TMED3: variants seen among roughly 807,000 people sequenced by gnomAD.
TMED3 encodes transmembrane p24 trafficking protein 3.
In TMED3, 9 loss-of-function variants were observed where a neutral mutation model predicts 15.0. That is an observed-to-expected ratio of 0.60 (90% CI 0.36 to 1.04). The LOEUF is 1.04. Ranked by LOEUF, TMED3 falls within the 50% of genes least tolerant of loss-of-function variation. The pLI is 0.01. For missense variants in TMED3, 267 were observed against 278.9 expected (o/e 0.96, Z 0.30); for synonymous variants, 117 against 121.4 (o/e 0.96, Z 0.24).
intron 2 of TMED3, among the ~76,000 whole-genome samples, chr15:79,329,838 G>A (rs1043545305): frequency 6.6e-6 from 1 of 152,112 alleles, no homozygotes; most frequent in East Asian, 1.9e-4. Flanking sequence ...GACACATGTG[G>A]ACCACAATTT....
chr15:79,380,340 ACT>A (rs2141249049), intron 2 of TMED3, among the ~76,000 whole-genome samples: 1 of 150,900 alleles, frequency 6.6e-6, no homozygotes, highest in South Asian at 2.1e-4. Context: ...ACAGAGCGAG[ACT>A]CTGTCTCAAC....
chr15:79,387,499 C>T (rs1507677), intron 2 of TMED3, among the ~76,000 whole-genome samples: 147,197 of 152,268 alleles, frequency 0.97, 71,366 homozygotes, highest in East Asian at 1. Context: ...CACTTTGTCA[C>T]TTTCATGGGT....
At chr15:79,353,246 CTATATATAATATATATTATATATAA>C (rs1453935506) in intron 2 of TMED3, among the ~76,000 whole-genome samples, 8 of 39,910 alleles carry the variant, frequency 2.0e-4, no homozygotes, top group Non-Finnish European at 3.3e-4. Context: ...AATATATATA[CTATATATAATATATATTATATATAA>C]TATATATAAT....
chr15:79,329,262 A>G (rs992309772), intron 2 of TMED3, among the ~76,000 whole-genome samples: 2 of 152,220 alleles, frequency 1.3e-5, no homozygotes, highest in African/African-American at 4.8e-5. Context: ...ACCAGACCTC[A>G]TGGGAGCATG....
chr15:79,331,265 C>T (rs987100373), intron 2 of TMED3, among the ~76,000 whole-genome samples: 1 of 152,158 alleles, frequency 6.6e-6, no homozygotes, highest in Admixed American at 6.5e-5. Flanking sequence ...AACCATAACA[C>T]AGTGAACTGA....
intron 2 of TMED3, among the ~76,000 whole-genome samples, chr15:79,345,608 A>G (rs1258300560): frequency 1.3e-5 from 2 of 152,214 alleles, no homozygotes; most frequent in Non-Finnish European, 2.9e-5. Context: ...GCTGCAATGA[A>G]TATACACATA....
chr15:79,322,504 G>A lies in TMED3; in HGVS notation c.*290G>A. The A allele has an allele frequency of 8.2e-7, 1 of 1,223,346 alleles. No homozygotes were observed. Among genetic ancestry groups the A allele is most frequent in the Non-Finnish European group, 1.0e-6 (1 of 977,606 alleles). The allele number at this position is 1,223,346 out of a possible 1,614,324, so 75.8% of individuals were successfully genotyped here. A position where few individuals can be genotyped will look rare whatever the true frequency, so the allele number is the denominator to read the frequency against. On this transcript the variant is annotated 3_prime_UTR_variant, in exon 3 of 3. Transcript: ENST00000299705. ...AGGGTGGACAGGCAATGGTTCAGTG[G>A]CCTGGCTGTTGGCAGGAACTCCAAG...
chr15:79,323,030 C>T (rs1042051437), downstream of TMED3, among the ~76,000 whole-genome samples: 4 of 152,164 alleles, frequency 2.6e-5, no homozygotes, highest in Non-Finnish European at 5.9e-5. Flanking sequence ...TAGGAAGTCT[C>T]CTCGCATGCT....
At chr15:79,329,215 A>G (rs891501774) in intron 2 of TMED3, among the ~76,000 whole-genome samples, 7 of 152,226 alleles carry the variant, frequency 4.6e-5, no homozygotes, top group African/African-American at 1.7e-4. Context: ...AGAGACAACA[A>G]CCAGGGCCTG....
chr15:79,355,473 A>G (rs2058915357), intron 2 of TMED3, among the ~76,000 whole-genome samples: 1 of 152,216 alleles, frequency 6.6e-6, no homozygotes, highest in African/African-American at 2.4e-5. Context: ...TCAGCCAGAA[A>G]GAAGACTTCC....
At chr15:79,359,491 G>T (rs2141239641) in intron 2 of TMED3, among the ~76,000 whole-genome samples, 1 of 152,194 alleles carries the variant, frequency 6.6e-6, no homozygotes, top group Non-Finnish European at 1.5e-5. Context: ...GCCTCCCAAA[G>T]TGCTGGGATT....
At chr15:79,407,661 T>C (rs1893918584) in intron 2 of TMED3, among the ~76,000 whole-genome samples, 1 of 152,208 alleles carries the variant, frequency 6.6e-6, no homozygotes, top group African/African-American at 2.4e-5. Context: ...AACACTTCCA[T>C]GCTCATTTGT....
chr15:79,394,755 C>T (rs1595910070), intron 2 of TMED3, among the ~76,000 whole-genome samples: 1 of 152,180 alleles, frequency 6.6e-6, no homozygotes, highest in Admixed American at 6.5e-5. Context: ...GTTCTGACTA[C>T]TCCAGTTTTA....
rs2058772178 is a variant in TMED3, at chr15:79,322,484, G to A, written c.*270G>A. ...CAGGGATTAGCCACTGTGGGAGGGTGGACAGGCAATGGTTCAGTGGCCTGG... is the reference window on the plus strand; with the variant it reads ...CAGGGATTAGCCACTGTGGGAGGGTAGACAGGCAATGGTTCAGTGGCCTGG... On this transcript the variant is annotated 3_prime_UTR_variant, in exon 3 of 3. Transcript: ENST00000299705. 2 of 1,277,358 alleles carry A rather than the reference G, an allele frequency of 1.6e-6. No individual in the cohort carries two copies. The highest frequency in any genetic ancestry group is 3.8e-5 in the Admixed American group (1 of 26,150). The allele number at this position is 1,277,358 out of a possible 1,614,324, so 79.1% of individuals were successfully genotyped here.
chr15:79,324,486 G>A (rs1189288122), downstream of TMED3, among the ~76,000 whole-genome samples: 1 of 152,150 alleles, frequency 6.6e-6, no homozygotes, highest in Non-Finnish European at 1.5e-5. Context: ...AAATTTCTGA[G>A]CATTTATTTA....
chr15:79,387,265 A>G (rs1893638152), intron 2 of TMED3, among the ~76,000 whole-genome samples: 2 of 152,194 alleles, frequency 1.3e-5, no homozygotes, highest in African/African-American at 4.8e-5. Context: ...TGATTTTTCC[A>G]TATGACTACC....
chr15:79,361,187 A>AT (rs1252808048), intron 2 of TMED3, among the ~76,000 whole-genome samples: 1 of 152,162 alleles, frequency 6.6e-6, no homozygotes, highest in Non-Finnish European at 1.5e-5. Context: ...TTTTTAACCA[A>AT]TTCCAAGTGT....
intron 1 of TMED3, among the ~76,000 whole-genome samples, chr15:79,312,205 C>T (rs1321165323): frequency 6.6e-6 from 1 of 152,066 alleles, no homozygotes; most frequent in African/African-American, 2.4e-5. Flanking sequence ...TGAGGGGCCA[C>T]GGGCAGCAGG....
chr15:79,314,397 A>G, intron 2 of TMED3: 2 of 384,102 alleles, frequency 5.2e-6, no homozygotes, highest in South Asian at 4.0e-5. Flanking sequence ...CTGTAACAAA[A>G]TAAACACCAA....
Sources: gnomAD v4.1 joint callset for allele counts (sites outside exome capture counted in the v4.1 genomes callset) on GRCh38, gnomAD v4.1.1 for gene constraint, MANE v1.5 for transcripts, NCBI Gene and HGNC (gene_info 2026-07-23, HGNC 2026-07-21) for gene names.